The following FCHSD2 variants were observed in gnomAD, a reference collection of about 807,000 sequenced individuals.
The protein encoded by FCHSD2 is FCH and double SH3 domains 2.
A neutral mutation model predicts 108.1 loss-of-function variants in FCHSD2; 38 were observed. That is an observed-to-expected ratio of 0.35 (90% CI 0.27 to 0.46). The LOEUF (loss-of-function observed/expected upper bound fraction) is 0.46. Among genes scored for constraint, FCHSD2 ranks in the 20% least tolerant of loss-of-function variants. The pLI is 1.00. For synonymous variants in FCHSD2, 279 were observed against 314.7 expected (o/e 0.89, Z 1.20); for missense variants, 751 against 897.8 (o/e 0.84, Z 2.09).
intron 8 of FCHSD2, among the ~76,000 whole-genome samples, chr11:72,964,875 T>C (rs569452200): frequency 6.6e-6 from 1 of 151,524 alleles, no homozygotes; most frequent in Non-Finnish European, 1.5e-5. Flanking sequence ...CTGCAAGTTC[T>C]GCCTCCCGGG....
chr11:72,967,590 G>A (rs1472689404), intron 8 of FCHSD2, among the ~76,000 whole-genome samples: 1 of 152,166 alleles, frequency 6.6e-6, no homozygotes, highest in Non-Finnish European at 1.5e-5. Flanking sequence ...AAGCAGATTA[G>A]TGGTTGCCAG....
intron 3 of FCHSD2, among the ~76,000 whole-genome samples, chr11:73,041,331 T>A (rs1858632673): frequency 2.6e-5 from 4 of 152,220 alleles, no homozygotes. Flanking sequence ...GCTATACTAA[T>A]TTACATTCCT....
intron 9 of FCHSD2, among the ~76,000 whole-genome samples, chr11:72,903,586 GA>G: frequency 6.6e-6 from 1 of 152,066 alleles, no homozygotes; most frequent in African/African-American, 2.4e-5. Context: ...GCAGCCATCT[GA>G]AAAGAATTCA....
chr11:73,097,911 C>T (rs1029729077), intron 2 of FCHSD2, among the ~76,000 whole-genome samples: 8 of 152,052 alleles, frequency 5.3e-5, no homozygotes, highest in East Asian at 1.9e-4. Flanking sequence ...TGGGCTCAAG[C>T]GATCCTCCTG....
At chr11:72,942,864 A>G (rs1236132153) in intron 8 of FCHSD2, among the ~76,000 whole-genome samples, 1 of 152,070 alleles carries the variant, frequency 6.6e-6, no homozygotes, top group African/African-American at 2.4e-5. Flanking sequence ...TCGCAGCTTC[A>G]AACTCTTGGA....
chr11:73,050,004 AC>A (rs1733140327), intron 3 of FCHSD2, among the ~76,000 whole-genome samples: 1 of 152,236 alleles, frequency 6.6e-6, no homozygotes. Flanking sequence ...AAATACTGTC[AC>A]TGAATGAATT....
intron 19 of FCHSD2, among the ~76,000 whole-genome samples, chr11:72,840,266 T>C (rs1458328639): frequency 6.6e-6 from 1 of 152,160 alleles, no homozygotes. Flanking sequence ...TCAATACATA[T>C]TTGCTGAATG....
chr11:72,921,974 G>GA (rs778540386), intron 8 of FCHSD2, 24 bp from the exon 9 acceptor site: 20 of 1,531,320 alleles, frequency 1.3e-5, no homozygotes, highest in African/African-American at 2.8e-5. Context: ...GTAAATAAAA[G>GA]AAAAAAAATT....
chr11:72,861,133 C>T (rs1220594103), intron 13 of FCHSD2, among the ~76,000 whole-genome samples: 1 of 151,964 alleles, frequency 6.6e-6, no homozygotes, highest in Non-Finnish European at 1.5e-5. Flanking sequence ...CATAGAGATC[C>T]ATATAATTAA....
In FCHSD2 at chr11:73,045,661, C is replaced by T. The variant is rs1192650943; in HGVS notation, c.166-29776G>A. On this transcript the variant is annotated intron_variant, in intron 3 of 19. Coordinates refer to ENST00000409418, the MANE Select transcript of FCHSD2 (RefSeq NM_014824.3). ...GAAATCATCATTCTCAGTAAACTAT[C>T]GCAAGAACAAAAAACCAAACACCGC... Among the ~76,000 whole-genome samples the T allele has an allele frequency of 3.2e-4, 48 of 149,988 alleles. No homozygotes were observed. The South Asian group carries it at 4.7e-3, about 15-fold the overall frequency.
intron 1 of FCHSD2, 31 bp downstream of exon 1, chr11:73,141,826 G>T: frequency 1.3e-6 from 2 of 1,540,800 alleles, no homozygotes; most frequent in Non-Finnish European, 1.7e-6. Context: ...GCATCTCTCC[G>T]AACCCCAAAG....
At chr11:72,977,445 G>T (rs1264759382) in intron 8 of FCHSD2, among the ~76,000 whole-genome samples, 1 of 151,766 alleles carries the variant, frequency 6.6e-6, no homozygotes, top group Non-Finnish European at 1.5e-5. Flanking sequence ...GTTGACAAGG[G>T]ATTAATAACC....
chr11:72,867,946 G>A lies in FCHSD2; in HGVS notation c.1227C>T (p.Ala409=). Residue 409 remains alanine (A), a synonymous_variant, in exon 13 of 20, where the codon GCC becomes GCT. Coordinates refer to ENST00000409418, the MANE Select transcript of FCHSD2 (RefSeq NM_014824.3). ...GVSVDTWLKS[A]MNQVMEELEN... ...CCAGTTCTTCCATTACTTGGTTCATGGCACTCTTTAGCCATGTGTCCACAG... is the reference window on the plus strand; with the variant it reads ...CCAGTTCTTCCATTACTTGGTTCATAGCACTCTTTAGCCATGTGTCCACAG... 2 of 1,604,040 alleles carry A rather than the reference G, an allele frequency of 1.2e-6. No homozygotes were observed. The highest frequency in any genetic ancestry group is 1.7e-6 in the Non-Finnish European group (2 of 1,175,430).
In FCHSD2 at chr11:73,049,738, T is replaced by C. The variant is rs899389503; in HGVS notation, c.166-33853A>G. 7.4e-5 allele frequency among the ~76,000 whole-genome samples: 11 copies of C among 149,506 alleles called. No homozygotes were observed. The East Asian group carries it at 2.2e-3, about 29-fold the overall frequency. ...AAAGAGAGACACCTGAAGAGTTGGA[T>C]AATTCTTTTATACTATGTAAGGCAT... On this transcript the variant is annotated intron_variant, in intron 3 of 19. Coordinates refer to ENST00000409418, the MANE Select transcript of FCHSD2 (RefSeq NM_014824.3).
intron 3 of FCHSD2, among the ~76,000 whole-genome samples, chr11:73,049,314 C>T (rs1382975550): frequency 6.6e-6 from 1 of 152,028 alleles, no homozygotes; most frequent in Non-Finnish European, 1.5e-5. Flanking sequence ...CTCATACCCA[C>T]AACAATATTA....
At chr11:72,842,295 C>T (rs907147527) in intron 17 of FCHSD2, among the ~76,000 whole-genome samples, 1 of 152,232 alleles carries the variant, frequency 6.6e-6, no homozygotes. Context: ...AAATTAACCA[C>T]AGAGCAACGC....
chr11:73,141,490 C>T, intron 1 of FCHSD2: 1 of 308,942 alleles, frequency 3.2e-6, no homozygotes, highest in Non-Finnish European at 6.1e-6. Flanking sequence ...TAAACAATCA[C>T]ACACGCACAA....
chr11:72,954,499 C>T (rs1455028628), intron 8 of FCHSD2, among the ~76,000 whole-genome samples: 3 of 151,800 alleles, frequency 2.0e-5, no homozygotes, highest in Non-Finnish European at 4.4e-5. Context: ...AGCCACTGTG[C>T]CCAGCCAAAA....
chr11:73,004,304 T>C (rs908224113), intron 4 of FCHSD2, among the ~76,000 whole-genome samples: 1 of 152,044 alleles, frequency 6.6e-6, no homozygotes, highest in Non-Finnish European at 1.5e-5. Context: ...TTGTGAAATT[T>C]TTCTAAGGCT....
Sources: allele counts gnomAD v4.1 joint callset (sites outside exome capture counted in the v4.1 genomes callset), GRCh38; gene constraint gnomAD v4.1.1; transcripts MANE v1.5; gene names NCBI Gene and HGNC (gene_info 2026-07-23, HGNC 2026-07-21).